CDKL3: variants seen among roughly 807,000 people sequenced by gnomAD.
CDKL3 encodes cyclin dependent kinase like 3.
A neutral mutation model predicts 69.3 loss-of-function variants in CDKL3; 65 were observed. That is an observed-to-expected ratio of 0.94 (90% CI 0.77 to 1.15). The LOEUF is 1.15. Among genes scored for constraint, CDKL3 ranks in the 50% most tolerant of loss-of-function variants. CDKL3 has a pLI of 0.00. For missense variants in CDKL3, 652 were observed against 689.2 expected (o/e 0.95, Z 0.61); for synonymous variants, 202 against 221.6 (o/e 0.91, Z 0.79).
intron 6 of CDKL3, among the ~76,000 whole-genome samples, chr5:134,315,684 A>C (rs1450690361): frequency 6.6e-6 from 1 of 152,164 alleles, no homozygotes; most frequent in African/African-American, 2.4e-5. Context: ...TATTAGCATA[A>C]TGTTTCTCTC....
At position 134,367,085 on chromosome 5, in the gene CDKL3, C is replaced by G. The variant is rs1181325088; in HGVS notation, c.-130G>C. Reference sequence around the variant, plus strand: ...GCTCTGCGTAGTTCCAGTGGAGCCACCGAACACTGATACTACTTTGTTGCT... The same window carrying G: ...GCTCTGCGTAGTTCCAGTGGAGCCAGCGAACACTGATACTACTTTGTTGCT... On this transcript the variant is annotated 5_prime_UTR_variant, in exon 1 of 13. Coordinates refer to ENST00000265334, the MANE Select transcript of CDKL3 (RefSeq NM_001113575.2). 1.6e-5 allele frequency: 16 copies of G among 986,520 alleles called. No homozygotes were observed. Among genetic ancestry groups the G allele is most frequent in the Non-Finnish European group, 1.9e-5 (16 of 830,798 alleles). 61.1% of individuals were successfully genotyped at this position (986,520 alleles called of 1,614,324 possible). A position where few individuals can be genotyped will look rare whatever the true frequency, so the allele number is the denominator to read the frequency against.
chr5:134,345,554 G>A (rs1430025421), intron 4 of CDKL3, among the ~76,000 whole-genome samples: 3 of 152,190 alleles, frequency 2.0e-5, no homozygotes, highest in Non-Finnish European at 4.4e-5. Context: ...GGCTGAGTCC[G>A]AAAAGAGAGT....
intron 2 of CDKL3, among the ~76,000 whole-genome samples, chr5:134,360,675 A>G (rs185421879): frequency 6.6e-6 from 1 of 152,304 alleles, no homozygotes; most frequent in Non-Finnish European, 1.5e-5. Context: ...ACTATAACTT[A>G]GTATTCTGTT....
At chr5:134,304,664 A>G in intron 10 of CDKL3, 97 bp from the exon 11 acceptor site, 1 of 824,948 alleles carries the variant, frequency 1.2e-6, no homozygotes, top group Non-Finnish European at 1.8e-6. Context: ...TATAAGATAG[A>G]CATAACAATT....
intron 5 of CDKL3, among the ~76,000 whole-genome samples, chr5:134,321,153 C>T (rs1772677254): frequency 6.6e-6 from 1 of 151,326 alleles, no homozygotes; most frequent in Non-Finnish European, 1.5e-5. Flanking sequence ...GGATTACAGG[C>T]ACTCGTCACC....
upstream of CDKL3, among the ~76,000 whole-genome samples, chr5:134,370,138 G>A (rs963930805): frequency 5.9e-5 from 9 of 152,170 alleles, no homozygotes; most frequent in Non-Finnish European, 1.2e-4. Context: ...TGCTTCCATG[G>A]AATCAGGGGC....
chr5:134,305,107 C>CTTATTATTA (rs371619293), intron 10 of CDKL3, among the ~76,000 whole-genome samples: 7 of 150,010 alleles, frequency 4.7e-5, no homozygotes, highest in East Asian at 1.9e-4. Context: ...TGCATCTGGC[C>CTTATTATTA]TTATTATTAT....
intron 4 of CDKL3, among the ~76,000 whole-genome samples, chr5:134,330,665 A>G (rs909570534): frequency 3.3e-5 from 5 of 152,154 alleles, no homozygotes; most frequent in African/African-American, 4.8e-5. Flanking sequence ...CAGTGAGCCA[A>G]GTTCCCACAA....
At chr5:134,354,016 G>A (rs1442910757) in intron 3 of CDKL3, among the ~76,000 whole-genome samples, 1 of 152,118 alleles carries the variant, frequency 6.6e-6, no homozygotes, top group Non-Finnish European at 1.5e-5. Flanking sequence ...ATTTGCCAGG[G>A]TTTGTCTAAT....
In CDKL3 at chr5:134,366,526, T is replaced by C. The variant is rs1757480795; in HGVS notation, c.-3A>G. 6.3e-7 allele frequency: 1 copy of C among 1,593,354 alleles called. No homozygotes were observed. The highest frequency in any genetic ancestry group is 8.5e-7 in the Non-Finnish European group (1 of 1,171,396). ...CCAAGGGTTTCATACATCTCCATTTTCAAGCTGGGCTTTTACTACTTTATA... is the reference window on the plus strand; with the variant it reads ...CCAAGGGTTTCATACATCTCCATTTCCAAGCTGGGCTTTTACTACTTTATA... On this transcript the variant is annotated 5_prime_UTR_variant, in exon 2 of 13. Coordinates refer to ENST00000265334, the MANE Select transcript of CDKL3 (RefSeq NM_001113575.2).
In CDKL3 at chr5:134,312,784, C is replaced by T. The variant is rs117415662; in HGVS notation, c.793-404G>A. On this transcript the variant is annotated intron_variant, in intron 6 of 12. Transcript: ENST00000265334. Reference sequence around the variant, plus strand: ...ACGAGTTTTAACCCATGTTGTCTGACGCCTAATCCAGCACTCTTTCTATAT... The same window carrying T: ...ACGAGTTTTAACCCATGTTGTCTGATGCCTAATCCAGCACTCTTTCTATAT... Among the ~76,000 whole-genome samples the T allele has an allele frequency of 7.9e-5, 12 of 152,296 alleles. No individual in the cohort carries two copies. The East Asian group carries it at 2.1e-3, about 27-fold the overall frequency.
At chr5:134,286,567 G>T (rs326607) in intron 8 of CDKL3, 23,696 of 152,778 alleles carry the variant, frequency 0.16, 2,378 homozygotes, top group African/African-American at 0.28. Context: ...TACCTGAGAC[G>T]GGACAATTTA....
chr5:134,367,197 G>A (rs1757651487), upstream of CDKL3: 3 of 985,682 alleles, frequency 3.0e-6, no homozygotes, highest in Non-Finnish European at 3.6e-6. Context: ...ACCGGAACAT[G>A]GGCAGGGTCC....
intron 12 of CDKL3, chr5:134,302,114 G>C (rs1214179806): frequency 2.2e-6 from 1 of 455,880 alleles, no homozygotes; most frequent in Admixed American, 2.4e-5. Context: ...GGTGGGTAGG[G>C]ACTGGGAATA....
chr5:134,329,150 A>T (rs757948816), intron 4 of CDKL3, among the ~76,000 whole-genome samples: 1 of 152,118 alleles, frequency 6.6e-6, no homozygotes, highest in Non-Finnish European at 1.5e-5. Context: ...AGACCAGCCT[A>T]GGCAATATAG....
upstream of CDKL3, among the ~76,000 whole-genome samples, chr5:134,367,854 T>C (rs1757823083): frequency 6.6e-6 from 1 of 152,062 alleles, no homozygotes; most frequent in Non-Finnish European, 1.5e-5. Flanking sequence ...AGCACGGAAA[T>C]AAAGAGGCCA....
At chr5:134,285,217 CT>C (rs573361954), downstream of CDKL3, among the ~76,000 whole-genome samples, 86 of 152,322 alleles carry the variant, frequency 5.6e-4, no homozygotes, top group African/African-American at 2.0e-3. Flanking sequence ...CCAGTAGGGA[CT>C]CTGTGTGGGG....
chr5:134,355,048 A>C (rs751602532), intron 3 of CDKL3, among the ~76,000 whole-genome samples: 31 of 151,740 alleles, frequency 2.0e-4, no homozygotes, highest in Non-Finnish European at 4.0e-4. Flanking sequence ...TGAACTCAGG[A>C]GTTTGAGACA....
upstream of CDKL3, chr5:134,371,475 G>C (rs1198353092): frequency 4.5e-6 from 4 of 885,522 alleles, no homozygotes; most frequent in Admixed American, 3.1e-5. Flanking sequence ...TGTCAGTCTC[G>C]GCGGCGGCGG....
Sources: gnomAD v4.1 joint callset for allele counts (sites outside exome capture counted in the v4.1 genomes callset) on GRCh38, gnomAD v4.1.1 for gene constraint, MANE v1.5 for transcripts, NCBI Gene and HGNC (gene_info 2026-07-23, HGNC 2026-07-21) for gene names.